Variants in C8A observed in about 807,000 individuals in gnomAD.
C8A encodes the protein complement C8 alpha chain, also known as complement component C8 alpha chain.
C8A carries 67 observed loss-of-function variants against 65.3 expected under a neutral mutation model. The observed-to-expected ratio is 1.03, with a 90% CI of 0.84 to 1.26. C8A has a LOEUF of 1.26. Ranked by LOEUF, C8A falls within the 50% of genes most tolerant of loss-of-function variation. The pLI is 0.00. For missense variants in C8A, 781 were observed against 723.9 expected, an observed-to-expected ratio of 1.08 and a Z score of -0.90; for synonymous variants, 290 against 259.4, an observed-to-expected ratio of 1.12 and a Z score of -1.13.
chr1:56,885,334 A>G (rs1421198571), intron 6 of C8A, among the ~76,000 whole-genome samples: 1 of 135,696 alleles, frequency 7.4e-6, no homozygotes, highest in Non-Finnish European at 1.6e-5. Flanking sequence ...ATTTAAATAT[A>G]TATTTACATA....
At chr1:56,895,448 C>T (rs1644380932) in intron 7 of C8A, among the ~76,000 whole-genome samples, 1 of 152,148 alleles carries the variant, frequency 6.6e-6, no homozygotes, top group African/African-American at 2.4e-5. Flanking sequence ...TTGGTGAAGT[C>T]AAACTCAAGA....
chr1:56,876,259 A>T, intron 4 of C8A, 50 bp downstream of exon 4: 1 of 1,610,480 alleles, frequency 6.2e-7, no homozygotes. Context: ...ATTTGTCTTC[A>T]ATCGTGAGCA....
rs781283546 is a variant in C8A at position 56,867,709 on chromosome 1, C to T, written c.171+7C>T. On this transcript the variant is annotated splice_region_variant and intron_variant, in intron 2 of 10. Transcript: ENST00000361249. ...TCCGTGCCAGGACAAAAAGGTGAGA[C>T]ACTTACAACCGGTTTGGGGGCATTT... 1.4e-5 allele frequency: 22 copies of T among 1,606,986 alleles called. No individual in the cohort carries two copies. The highest frequency in any genetic ancestry group is 2.2e-5 in the East Asian group (1 of 44,834).
At position 56,906,747 on chromosome 1, in the gene C8A, G is replaced by A. The variant is rs1283533596; in HGVS notation, c.1177G>A (p.Gly393Ser). Residue 393 changes from glycine (G) to serine (S), a missense_variant, in exon 8 of 11, where the codon GGT (glycine) becomes AGT (serine). Physicochemically the swap from Gly to Ser is moderately conservative, Grantham distance 56. Coordinates refer to ENST00000361249, the MANE Select transcript of C8A (RefSeq NM_000562.3). The part of the protein sequence containing the change: ...QYEDKINVGG[G>S]LSGDHCKKFG... ...TGAAGACAAAATAAATGTTGGTGGA[G>A]GTTTATCAGGAGACCATTGTAAAAA... The A allele has an allele frequency of 1.2e-6, 2 of 1,614,038 alleles. No individual in the cohort carries two copies. Among genetic ancestry groups the A allele is most frequent in the Admixed American group, 1.7e-5 (1 of 60,008 alleles).
Position 56,881,447 on chromosome 1 carries a change from A to G in C8A, c.467A>G (p.Tyr156Cys). The G allele has an allele frequency of 6.2e-7, 1 of 1,613,588 alleles. No homozygotes were observed. The highest frequency in any genetic ancestry group is 1.1e-5 in the South Asian group (1 of 91,080). ...IPGSQKAALG[Y>C]NILTQEDAQS... ...AGAAGCTGCTTTGTTCCATGTAGGT[A>G]CAATATCCTGACCCAGGAAGATGCT... The change falls in exon 5 of 11, where the codon TAC becomes TGC. Residue 156 changes from tyrosine to cysteine, a missense_variant and splice_region_variant. Tyr to Cys is a radical substitution (Grantham distance 194). Coordinates refer to ENST00000361249, the MANE Select transcript of C8A (RefSeq NM_000562.3).
chr1:56,903,552 C>A (rs1282762101), intron 7 of C8A, among the ~76,000 whole-genome samples: 3 of 152,150 alleles, frequency 2.0e-5, no homozygotes, highest in Non-Finnish European at 2.9e-5. Context: ...CTTTTGAGAC[C>A]TTTTTGGATC....
At chr1:56,916,784 T>C (rs1203912740) in intron 10 of C8A, among the ~76,000 whole-genome samples, 2 of 151,740 alleles carry the variant, frequency 1.3e-5, no homozygotes, top group East Asian at 1.9e-4. Context: ...TATGATAGCA[T>C]CCAAAACTCA....
intron 1 of C8A, among the ~76,000 whole-genome samples, chr1:56,859,379 A>G (rs1644008687): frequency 6.6e-6 from 1 of 152,220 alleles, no homozygotes; most frequent in East Asian, 1.9e-4. Flanking sequence ...GCAGTCTAGG[A>G]GTAGGAATAA....
rs1644468662 is a variant in C8A at position 56,906,760 on chromosome 1, A to G, written c.1190A>G (p.Asp397Gly). The G allele has an allele frequency of 1.9e-6, 3 of 1,614,000 alleles. No individual in the cohort carries two copies. Among genetic ancestry groups the G allele is most frequent in the African/African-American group, 1.3e-5 (1 of 74,928 alleles). The part of the protein sequence containing the change: ...KINVGGGLSG[D>G]HCKKFGGGKT... ...AATGTTGGTGGAGGTTTATCAGGAG[A>G]CCATTGTAAAAAATTTGGAGGTGGC... The change falls in exon 8 of 11, where the codon GAC (aspartate) becomes GGC (glycine). Residue 397 changes from aspartate to glycine, a missense_variant. Physicochemically the swap from Asp to Gly is moderately conservative, Grantham distance 94 (BLOSUM62 -1). Transcript: ENST00000361249.
At chr1:56,914,947 G>A (rs937081283) in intron 10 of C8A, among the ~76,000 whole-genome samples, 1 of 152,024 alleles carries the variant, frequency 6.6e-6, no homozygotes, top group African/African-American at 2.4e-5. Context: ...CAAGGTCCTG[G>A]GATTACAGGC....
intron 1 of C8A, among the ~76,000 whole-genome samples, chr1:56,867,316 C>T (rs1644100314): frequency 6.6e-6 from 1 of 152,160 alleles, no homozygotes; most frequent in African/African-American, 2.4e-5. Flanking sequence ...GAGCTTTCTG[C>T]TACTTTGGCT....
At chr1:56,873,099 G>A (rs908250512) in intron 2 of C8A, among the ~76,000 whole-genome samples, 2 of 152,132 alleles carry the variant, frequency 1.3e-5, no homozygotes, top group African/African-American at 2.4e-5. Context: ...CAGACCTATG[G>A]ACAGGTTTGA....
chr1:56,918,012 C>T lies in C8A; in HGVS notation c.*296C>T, dbSNP rs1428408903. ...AGTAAAATAGAAAACTGAGAAAACT[C>T]AATCCATGACCAGGGAGAACTTACA... On this transcript the variant is annotated 3_prime_UTR_variant, in exon 11 of 11. Coordinates refer to ENST00000361249, the MANE Select transcript of C8A (RefSeq NM_000562.3). 1 of 303,320 alleles carries T rather than the reference C, an allele frequency of 3.3e-6. No individual in the cohort carries two copies. Among genetic ancestry groups the T allele is most frequent in the Non-Finnish European group, 6.2e-6 (1 of 161,394 alleles). The allele number at this position is 303,320 out of a possible 1,614,324, so 18.8% of individuals were successfully genotyped here. A position where few individuals can be genotyped will look rare whatever the true frequency, so the allele number is the denominator to read the frequency against.
chr1:56,900,150 G>A (rs548478061), intron 7 of C8A, among the ~76,000 whole-genome samples: 28 of 152,286 alleles, frequency 1.8e-4, no homozygotes, highest in Non-Finnish European at 3.5e-4. Flanking sequence ...GTCAGGGAAT[G>A]AGGAGTTGGA....
chr1:56,864,146 G>C (rs893175353), intron 1 of C8A, among the ~76,000 whole-genome samples: 2 of 152,120 alleles, frequency 1.3e-5, no homozygotes, highest in African/African-American at 4.8e-5. Context: ...TATGAAGGAG[G>C]TTTTCAACCA....
intron 9 of C8A, among the ~76,000 whole-genome samples, chr1:56,909,901 G>A (rs949377915): frequency 2.0e-5 from 3 of 152,198 alleles, no homozygotes; most frequent in African/African-American, 7.2e-5. Context: ...TCCAACTCGA[G>A]TCATGTTTGA....
chr1:56,897,656 A>G (rs967252860), intron 7 of C8A, among the ~76,000 whole-genome samples: 3 of 152,192 alleles, frequency 2.0e-5, no homozygotes, highest in African/African-American at 7.2e-5. Flanking sequence ...CCCTTAAATT[A>G]CCATCACATT....
chr1:56,857,754 C>A (rs569262801), intron 1 of C8A, among the ~76,000 whole-genome samples: 11 of 151,486 alleles, frequency 7.3e-5, no homozygotes, highest in African/African-American at 2.4e-4. Context: ...TTTTCTAATT[C>A]CAAGGTGGTA....
chr1:56,883,547 A>C lies in C8A; in HGVS notation c.721A>C (p.Lys241Gln). The C allele has an allele frequency of 6.2e-7, 1 of 1,614,000 alleles. No individual in the cohort carries two copies. Residue 241 changes from lysine to glutamine, a missense_variant, in exon 6 of 11, where the codon AAA (lysine) becomes CAA (glutamine). Lys to Gln is a moderately conservative substitution (Grantham distance 53). Coordinates refer to ENST00000361249, the MANE Select transcript of C8A (RefSeq NM_000562.3). ...DNANDLLSKV[K>Q]KDKSDSFGVT... is the part of the protein sequence containing the mutation. The stretch of plus-strand genomic sequence containing the variant: ...TGCAAATGACCTTCTTTCCAAAGTT[A>C]AAAAAGACAAGTCTGACTCATTTGG...
Sources: gnomAD v4.1 joint callset for allele counts (sites outside exome capture counted in the v4.1 genomes callset) on GRCh38, gnomAD v4.1.1 for gene constraint, MANE v1.5 for transcripts, NCBI Gene and HGNC (gene_info 2026-07-23, HGNC 2026-07-21) for gene names.